The following IQCM variants were observed in gnomAD, a reference collection of about 807,000 sequenced individuals.
IQCM encodes the protein IQ motif containing M, also known as IQ domain-containing protein M.
IQCM carries 45 observed loss-of-function variants against 57.6 expected under a neutral mutation model. That is an observed-to-expected ratio of 0.78 (90% CI 0.62 to 1.00). The LOEUF (loss-of-function observed/expected upper bound fraction) is 1.00. IQCM is among the 50% of genes least tolerant of loss of function. The pLI, the probability that IQCM is intolerant of heterozygous loss-of-function variation, is 0.00. For missense variants in IQCM, 468 were observed against 511.6 expected (o/e 0.91, Z 0.82); for synonymous variants, 148 against 158.9 (o/e 0.93, Z 0.51).
At chr4:149,597,391 T>G (rs940173215) in intron 8 of IQCM, among the ~76,000 whole-genome samples, 1 of 152,182 alleles carries the variant, frequency 6.6e-6, no homozygotes, top group Non-Finnish European at 1.5e-5. Flanking sequence ...GTGCTTTTTT[T>G]CTTTGTTTTT....
intron 13 of IQCM, among the ~76,000 whole-genome samples, chr4:149,427,736 T>G (rs1222730878): frequency 2.6e-5 from 4 of 151,890 alleles, no homozygotes; most frequent in African/African-American, 9.7e-5. Flanking sequence ...CATAAAACAT[T>G]TCTCCCATCA....
intron 9 of IQCM, among the ~76,000 whole-genome samples, chr4:149,574,858 T>C (rs1466298654): frequency 6.6e-6 from 1 of 151,944 alleles, no homozygotes; most frequent in African/African-American, 2.4e-5. Context: ...TTTCGGCTGT[T>C]GTAAAAGCCA....
intron 12 of IQCM, among the ~76,000 whole-genome samples, chr4:149,448,931 C>T (rs1396010176): frequency 6.6e-6 from 1 of 151,396 alleles, no homozygotes. Context: ...TGGAAGACCT[C>T]AAAGATATTT....
chr4:149,469,996 C>G (rs911575841), intron 12 of IQCM, among the ~76,000 whole-genome samples: 1 of 152,140 alleles, frequency 6.6e-6, no homozygotes, highest in Non-Finnish European at 1.5e-5. Context: ...AAAGGAACAA[C>G]CAGTACCAGC....
At chr4:149,679,011 C>T (rs1761979376) in intron 7 of IQCM, among the ~76,000 whole-genome samples, 1 of 151,576 alleles carries the variant, frequency 6.6e-6, no homozygotes. Flanking sequence ...ACCGTATGAT[C>T]CAGAAATTCT....
At chr4:149,600,441 C>T (rs2150030552) in intron 8 of IQCM, among the ~76,000 whole-genome samples, 1 of 152,224 alleles carries the variant, frequency 6.6e-6, no homozygotes, top group South Asian at 2.1e-4. Flanking sequence ...ATTGGGGATA[C>T]AGGCGGGAAG....
At chr4:149,461,060 C>A (rs576843238) in intron 12 of IQCM, among the ~76,000 whole-genome samples, 3 of 151,954 alleles carry the variant, frequency 2.0e-5, no homozygotes, top group East Asian at 3.9e-4. Context: ...CATGGAGAAA[C>A]CCAGTCTCTA....
At chr4:149,495,861 A>C (rs990693361) in intron 12 of IQCM, among the ~76,000 whole-genome samples, 1 of 152,198 alleles carries the variant, frequency 6.6e-6, no homozygotes, top group Non-Finnish European at 1.5e-5. Flanking sequence ...GACACCAAAA[A>C]TAAATGTCTA....
At chr4:149,696,396 C>T (rs1208612543) in intron 5 of IQCM, among the ~76,000 whole-genome samples, 1 of 152,118 alleles carries the variant, frequency 6.6e-6, no homozygotes, top group Non-Finnish European at 1.5e-5. Flanking sequence ...TCTATCAGAC[C>T]TCCAATGAAT....
At chr4:149,534,898 C>T (rs1322798011) in intron 12 of IQCM, among the ~76,000 whole-genome samples, 2 of 152,050 alleles carry the variant, frequency 1.3e-5, no homozygotes, top group African/African-American at 2.4e-5. Context: ...TACGTTCTGC[C>T]AAACTGGCAG....
chr4:149,791,157 A>G (rs1289616484), intron 2 of IQCM, among the ~76,000 whole-genome samples: 1 of 152,182 alleles, frequency 6.6e-6, no homozygotes, highest in Admixed American at 6.5e-5. Context: ...AGTGACATGT[A>G]TGCTTCATAT....
intron 2 of IQCM, among the ~76,000 whole-genome samples, chr4:149,810,306 A>G (rs932936852): frequency 2.0e-5 from 3 of 149,466 alleles, no homozygotes; most frequent in Non-Finnish European, 4.4e-5. Flanking sequence ...AGGTTGTGGT[A>G]AGCCATGATT....
chr4:149,446,153 T>G (rs1447453632), intron 12 of IQCM, among the ~76,000 whole-genome samples: 1 of 151,770 alleles, frequency 6.6e-6, no homozygotes, highest in Non-Finnish European at 1.5e-5. Flanking sequence ...AAAAATATAG[T>G]TCAAAGCTTT....
chr4:149,580,923 G>T (rs550482596), intron 9 of IQCM, among the ~76,000 whole-genome samples: 2 of 151,822 alleles, frequency 1.3e-5, no homozygotes, highest in East Asian at 3.9e-4. Context: ...TATTACTTGT[G>T]TAAGGTGCTA....
intron 7 of IQCM, among the ~76,000 whole-genome samples, chr4:149,643,859 C>G (rs1758416409): frequency 6.6e-6 from 1 of 152,132 alleles, no homozygotes; most frequent in East Asian, 1.9e-4. Context: ...GCTTTAATTC[C>G]TGGGTTTACA....
intron 7 of IQCM, among the ~76,000 whole-genome samples, chr4:149,652,883 T>G (rs1467362760): frequency 2.0e-5 from 3 of 152,166 alleles, no homozygotes; most frequent in African/African-American, 7.2e-5. Flanking sequence ...ATATCTTATC[T>G]CAGAGGAAAA....
chr4:149,472,333 A>G (rs1739661338), intron 12 of IQCM, among the ~76,000 whole-genome samples: 1 of 152,186 alleles, frequency 6.6e-6, no homozygotes, highest in South Asian at 2.1e-4. Context: ...AATAACAGAC[A>G]GACAGAGAGC....
At chr4:149,765,383 T>C (rs1051308682) in intron 2 of IQCM, among the ~76,000 whole-genome samples, 1 of 152,296 alleles carries the variant, frequency 6.6e-6, no homozygotes, top group East Asian at 1.9e-4. Context: ...TAAGAATCTC[T>C]GTGCTTATGA....
intron 7 of IQCM, among the ~76,000 whole-genome samples, chr4:149,642,459 G>A (rs745421295): frequency 2.0e-5 from 3 of 152,152 alleles, no homozygotes; most frequent in Non-Finnish European, 4.4e-5. Flanking sequence ...TTAAGGCAAT[G>A]AAATATTTTA....
Sources: gnomAD v4.1 joint callset for allele counts (sites outside exome capture counted in the v4.1 genomes callset) on GRCh38, gnomAD v4.1.1 for gene constraint, MANE v1.5 for transcripts, NCBI Gene and HGNC (gene_info 2026-07-23, HGNC 2026-07-21) for gene names.